Variants in PPP2R5C observed in about 807,000 individuals in gnomAD.
The protein encoded by PPP2R5C is serine/threonine-protein phosphatase 2A 56 kDa regulatory subunit gamma isoform.
In PPP2R5C, 7 loss-of-function variants were observed where a neutral mutation model predicts 68.9. That is an observed-to-expected ratio of 0.10 (90% confidence interval 0.06 to 0.19). PPP2R5C has a LOEUF of 0.19. PPP2R5C is among the 10% of genes least tolerant of loss of function. PPP2R5C has a pLI of 1.00. For missense variants in PPP2R5C, 348 were observed against 641.3 expected, an observed-to-expected ratio of 0.54 and a Z score of 4.94; for synonymous variants, 210 against 222.2, an observed-to-expected ratio of 0.95 and a Z score of 0.49.
rs1308202525 is a variant in PPP2R5C at position 101,927,104 on chromosome 14, C to T, written c.*1832C>T. The T allele has an allele frequency of 2.6e-5, 4 of 151,796 alleles. No homozygotes were observed. In the East Asian group the frequency reaches 7.7e-4, roughly 29 times the overall value. The allele number at this position is 151,796 out of a possible 1,614,324, so 9.4% of individuals were successfully genotyped here. A position where few individuals can be genotyped will look rare whatever the true frequency, so the allele number is the denominator to read the frequency against. ...GTATTTTGATATACCATTGTTTGAA[C>T]TTCCGTCTTTAGCTGATAGATTCTC... On this transcript the variant is annotated 3_prime_UTR_variant, in exon 14 of 14. Transcript: ENST00000334743.
intron 9 of PPP2R5C, 38 bp downstream of exon 11, chr14:101,901,927 G>A (rs779511917): frequency 1.3e-6 from 2 of 1,590,838 alleles, no homozygotes; most frequent in East Asian, 2.2e-5. Flanking sequence ...AATTCTTCCA[G>A]TGTTCATTTG....
At chr14:101,846,839 ACAGAGAT>A (rs956965292) in intron 1 of PPP2R5C, among the ~76,000 whole-genome samples, 5 of 152,290 alleles carry the variant, frequency 3.3e-5, no homozygotes, top group African/African-American at 1.2e-4. Context: ...TCTCTCCTGA[ACAGAGAT>A]CAAGTTGGAT....
chr14:101,876,914 T>A (rs753609209), intron 2 of PPP2R5C, among the ~76,000 whole-genome samples: 13 of 149,748 alleles, frequency 8.7e-5, no homozygotes, highest in Admixed American at 2.7e-4. Context: ...CACAGCCCAA[T>A]GCAAAAAATA....
At chr14:101,923,476 G>A (rs2047122519) in intron 13 of PPP2R5C, among the ~76,000 whole-genome samples, 1 of 152,134 alleles carries the variant, frequency 6.6e-6, no homozygotes, top group Non-Finnish European at 1.5e-5. Flanking sequence ...AAAATTCAGG[G>A]TAGAATTTCA....
chr14:101,761,719 C>G, upstream of PPP2R5C: 2 of 876,354 alleles, frequency 2.3e-6, no homozygotes, highest in Non-Finnish European at 2.7e-6. Context: ...GCCGCCGTGG[C>G]TGCCGCAGCC....
At chr14:101,889,078 G>A (rs1043107417) in intron 5 of PPP2R5C, among the ~76,000 whole-genome samples, 44 of 152,078 alleles carry the variant, frequency 2.9e-4, no homozygotes, top group African/African-American at 1.0e-3. Context: ...AGTGCATTCT[G>A]ATGTTTGGGA....
intron 7 of PPP2R5C, 103 bp from the exon 10 acceptor site, chr14:101,894,404 G>A (rs1218097524): frequency 1.9e-6 from 2 of 1,048,110 alleles, no homozygotes; most frequent in Non-Finnish European, 2.9e-6. Context: ...TGTACCGTGG[G>A]TCCTTGTCTT....
chr14:101,895,410 C>A (rs369690702), intron 8 of PPP2R5C, among the ~76,000 whole-genome samples: 1 of 152,130 alleles, frequency 6.6e-6, no homozygotes, highest in Admixed American at 6.5e-5. Context: ...GCAACCATCA[C>A]CACTATTTCC....
chr14:101,765,479 C>T (rs2036803536), intron 2 of PPP2R5C: 2 of 547,044 alleles, frequency 3.7e-6, no homozygotes, highest in African/African-American at 3.8e-5. Flanking sequence ...ACACTTTTTC[C>T]CTCTCCTCTC....
chr14:101,862,138 A>G (rs924186022), intron 2 of PPP2R5C, among the ~76,000 whole-genome samples: 19 of 152,004 alleles, frequency 1.2e-4, no homozygotes, highest in African/African-American at 4.6e-4. Context: ...CTGGTCTCGA[A>G]CTCCTGTGCT....
At chr14:101,779,681 A>G (rs970072344) in intron 2 of PPP2R5C, among the ~76,000 whole-genome samples, 6 of 152,102 alleles carry the variant, frequency 3.9e-5, no homozygotes, top group African/African-American at 1.4e-4. Flanking sequence ...ACCCCATGCT[A>G]CGGAGTTTGA....
At chr14:101,924,410 ATTCTTT>A (rs1234135847) in intron 13 of PPP2R5C, among the ~76,000 whole-genome samples, 1 of 126,044 alleles carries the variant, frequency 7.9e-6, no homozygotes, top group Non-Finnish European at 1.8e-5. Context: ...TTTTTTATTC[ATTCTTT>A]TTCTTTACCT....
At chr14:101,900,457 C>T (rs1030777075) in intron 8 of PPP2R5C, among the ~76,000 whole-genome samples, 1 of 152,204 alleles carries the variant, frequency 6.6e-6, no homozygotes, top group Admixed American at 6.5e-5. Flanking sequence ...GCACAAGAGT[C>T]GGGTAGAAGC....
chr14:101,780,585 TC>T (rs1310227625), intron 2 of PPP2R5C, among the ~76,000 whole-genome samples: 1 of 152,018 alleles, frequency 6.6e-6, no homozygotes, highest in Non-Finnish European at 1.5e-5. Flanking sequence ...CTCCTGCCAT[TC>T]CCCCACGTTC....
At chr14:101,927,549 T>C (rs2047329291) in exon 14 of PPP2R5C, 1 of 152,658 alleles carries the variant, frequency 6.6e-6, no homozygotes, top group South Asian at 2.1e-4. Context: ...CTTCACTCTT[T>C]CCAAAATGTA....
intron 3 of PPP2R5C, among the ~76,000 whole-genome samples, chr14:101,800,978 C>A (rs990601456): frequency 1.3e-5 from 2 of 152,094 alleles, no homozygotes; most frequent in African/African-American, 2.4e-5. Flanking sequence ...CACAGAGAGA[C>A]AAATACCATG....
At chr14:101,770,101 A>AG (rs2037070286) in intron 2 of PPP2R5C, among the ~76,000 whole-genome samples, 1 of 152,220 alleles carries the variant, frequency 6.6e-6, no homozygotes, top group Non-Finnish European at 1.5e-5. Context: ...TTACAATCTA[A>AG]GGCACCACCA....
chr14:101,880,733 G>A (rs1033915970), intron 2 of PPP2R5C, among the ~76,000 whole-genome samples: 4 of 152,130 alleles, frequency 2.6e-5, no homozygotes, highest in African/African-American at 9.7e-5. Context: ...GGAGTTGGAG[G>A]CTGCAGTGAG....
intron 2 of PPP2R5C, among the ~76,000 whole-genome samples, chr14:101,875,863 G>C (rs750173480): frequency 6.6e-6 from 1 of 151,968 alleles, no homozygotes; most frequent in Non-Finnish European, 1.5e-5. Context: ...CCGTTTTTTC[G>C]GGCATTCTTC....
Sources: gnomAD v4.1 joint callset for allele counts (sites outside exome capture counted in the v4.1 genomes callset) on GRCh38, gnomAD v4.1.1 for gene constraint, MANE v1.5 for transcripts, NCBI Gene and HGNC (gene_info 2026-07-23, HGNC 2026-07-21) for gene names.